The following MAP2 variants were observed in gnomAD, a reference collection of about 807,000 sequenced individuals.
MAP2 encodes microtubule associated protein 2.
Under a neutral mutation model 137.6 loss-of-function variants are expected in MAP2, and 14 were observed. The observed-to-expected ratio is 0.10, with a 90% CI of 0.07 to 0.16. MAP2 has a LOEUF of 0.16. MAP2 is among the 10% of genes least tolerant of loss of function. MAP2 has a pLI of 1.00. For missense variants in MAP2, 2,088 were observed against 2,191.5 expected, an observed-to-expected ratio of 0.95 and a Z score of 0.94; for synonymous variants, 786 against 782.3, an observed-to-expected ratio of 1.00 and a Z score of -0.08.
At chr2:209,714,285 A>G (rs1419284550) in intron 13 of MAP2, among the ~76,000 whole-genome samples, 1 of 152,202 alleles carries the variant, frequency 6.6e-6, no homozygotes, top group Non-Finnish European at 1.5e-5. Flanking sequence ...AAGTGGTTTC[A>G]CAGATGTTGT....
intron 3 of MAP2, among the ~76,000 whole-genome samples, chr2:209,594,542 C>T (rs1038370920): frequency 6.6e-6 from 1 of 152,028 alleles, no homozygotes; most frequent in East Asian, 1.9e-4. Context: ...TGTCTCAGCC[C>T]GTCTGCATTT....
At chr2:209,473,500 G>A (rs983188678) in intron 1 of MAP2, among the ~76,000 whole-genome samples, 4 of 151,988 alleles carry the variant, frequency 2.6e-5, no homozygotes, top group Non-Finnish European at 4.4e-5. Context: ...TTAAAAGTTT[G>A]CTTTTGTCAC....
At chr2:209,519,971 A>G (rs997404697) in intron 2 of MAP2, among the ~76,000 whole-genome samples, 5 of 152,144 alleles carry the variant, frequency 3.3e-5, no homozygotes, top group African/African-American at 9.6e-5. Flanking sequence ...TGGATCATAT[A>G]AAAAAGGTCT....
chr2:209,673,123 A>G (rs1033908492), intron 5 of MAP2, among the ~76,000 whole-genome samples: 7 of 151,780 alleles, frequency 4.6e-5, no homozygotes, highest in African/African-American at 1.4e-4. Flanking sequence ...GCTATCATCT[A>G]TTGCTCTGTT....
intron 3 of MAP2, among the ~76,000 whole-genome samples, chr2:209,618,386 G>A (rs549072703): frequency 5.6e-4 from 86 of 152,308 alleles, no homozygotes; most frequent in African/African-American, 1.9e-3. Flanking sequence ...TTGAGGCTAA[G>A]CTGAGAAATT....
intron 4 of MAP2, among the ~76,000 whole-genome samples, 185 bp downstream of exon 4, chr2:209,625,314 C>A (rs186762692): frequency 2.4e-4 from 36 of 152,206 alleles, no homozygotes; most frequent in African/African-American, 8.4e-4. Context: ...ATTAAAACAG[C>A]ACTTCATAGT....
At chr2:209,563,401 T>C (rs16843100) in intron 2 of MAP2, among the ~76,000 whole-genome samples, 2,997 of 152,244 alleles carry the variant, frequency 0.02, 97 homozygotes, top group African/African-American at 0.068. Context: ...CTATACAAAT[T>C]GATGCTCAAA....
intron 3 of MAP2, among the ~76,000 whole-genome samples, chr2:209,616,663 C>T (rs2089515425): frequency 6.6e-6 from 1 of 151,632 alleles, no homozygotes; most frequent in African/African-American, 2.4e-5. Flanking sequence ...GTATTTGCTA[C>T]CAAACAAGGG....
chr2:209,445,979 C>T (rs1698961533), intron 1 of MAP2, among the ~76,000 whole-genome samples: 1 of 151,554 alleles, frequency 6.6e-6, no homozygotes, highest in African/African-American at 2.4e-5. Context: ...AATCAATGAT[C>T]CATCACAAGA....
At chr2:209,475,559 A>G (rs924217851) in intron 1 of MAP2, among the ~76,000 whole-genome samples, 3 of 152,146 alleles carry the variant, frequency 2.0e-5, no homozygotes, top group African/African-American at 7.2e-5. Flanking sequence ...AAAATCAGAA[A>G]TTATATAAAA....
chr2:209,653,327 G>A lies in MAP2; in HGVS notation c.157G>A (p.Asp53Asn). 1 of 1,614,156 alleles carries A rather than the reference G, an allele frequency of 6.2e-7. No homozygotes were observed. Among genetic ancestry groups the A allele is most frequent in the Non-Finnish European group, 8.5e-7 (1 of 1,180,010 alleles). ...CGCCAATGGATTCCCATACAGGGAGGATGAAGAGGGTGCCTTTGGAGAGCA... is the reference window on the plus strand; with the variant it reads ...CGCCAATGGATTCCCATACAGGGAGAATGAAGAGGGTGCCTTTGGAGAGCA... ...RSANGFPYRE[D>N]EEGAFGEHGS... Residue 53 changes from aspartate (D) to asparagine (N), a missense_variant, in exon 5 of 16, where the codon GAT (aspartate) becomes AAT (asparagine). Transcript: ENST00000682079.
At chr2:209,700,951 A>T (rs2061608029) in intron 11 of MAP2, among the ~76,000 whole-genome samples, 1 of 152,100 alleles carries the variant, frequency 6.6e-6, no homozygotes, top group African/African-American at 2.4e-5. Context: ...GTAATACTGC[A>T]TTTTATTTCT....
chr2:209,677,403 T>TAGATAGACAGACAGACAGAC (rs148418603), intron 5 of MAP2, among the ~76,000 whole-genome samples: 38 of 146,338 alleles, frequency 2.6e-4, no homozygotes, highest in African/African-American at 8.6e-4. Flanking sequence ...GATAGATAGA[T>TAGATAGACAGACAGACAGAC]AGACAGACAG....
chr2:209,710,947 C>T (rs1308798398), intron 13 of MAP2: 1 of 152,328 alleles, frequency 6.6e-6, no homozygotes, highest in Non-Finnish European at 1.5e-5. Context: ...GTTTTGAGTT[C>T]TGTCTTGACC....
intron 2 of MAP2, among the ~76,000 whole-genome samples, chr2:209,538,568 T>G: frequency 6.8e-6 from 1 of 146,902 alleles, no homozygotes; most frequent in Non-Finnish European, 1.5e-5. Flanking sequence ...TGTGTATGAC[T>G]CTGGGTATAA....
intron 1 of MAP2, among the ~76,000 whole-genome samples, chr2:209,475,839 G>A (rs1404437687): frequency 4.6e-5 from 7 of 152,120 alleles, no homozygotes; most frequent in Admixed American, 1.3e-4. Context: ...GTGGATCACA[G>A]TTTAGCAGTA....
chr2:209,626,672 A>G (rs1436523509), intron 4 of MAP2, among the ~76,000 whole-genome samples: 1 of 152,220 alleles, frequency 6.6e-6, no homozygotes, highest in Non-Finnish European at 1.5e-5. Context: ...ACATTTTAAA[A>G]GTTTACATGA....
chr2:209,681,322 A>AT (rs147041708), intron 7 of MAP2, among the ~76,000 whole-genome samples: 15,602 of 152,152 alleles, frequency 0.1, 946 homozygotes, highest in East Asian at 0.22. Flanking sequence ...TTTAATAAAT[A>AT]TTAATGAATA....
chr2:209,573,298 G>GGTTGTTTTTTTTTTTTTTT (rs770132978), intron 2 of MAP2, among the ~76,000 whole-genome samples: 1 of 120,070 alleles, frequency 8.3e-6, no homozygotes, highest in African/African-American at 3.3e-5. Flanking sequence ...TTCTTTTTCT[G>GGTTGTTTTTTTTTTTTTTT]TTTTTTTTTT....
Sources: gnomAD v4.1 joint callset for allele counts (sites outside exome capture counted in the v4.1 genomes callset) on GRCh38, gnomAD v4.1.1 for gene constraint, MANE v1.5 for transcripts, NCBI Gene and HGNC (gene_info 2026-07-23, HGNC 2026-07-21) for gene names.